NCR1: variants seen among roughly 807,000 people sequenced by gnomAD.
The protein encoded by NCR1 is natural cytotoxicity triggering receptor 1.
Under a neutral mutation model 32.5 loss-of-function variants are expected in NCR1, and 30 were observed. The observed-to-expected ratio is 0.92, with a 90% confidence interval of 0.69 to 1.25. NCR1 has a LOEUF of 1.25. NCR1 is among the 50% of genes most tolerant of loss of function. The pLI is 0.00. For synonymous variants in NCR1, 169 were observed against 143.4 expected (o/e 1.18, Z -1.28); for missense variants, 369 against 380.7 (o/e 0.97, Z 0.26).
chr19:54,925,649 T>C, the NCR1 span, among the ~76,000 whole-genome samples: 1 of 152,084 alleles, frequency 6.6e-6, no homozygotes, highest in Non-Finnish European at 1.5e-5. Context: ...AGCAAAACGT[T>C]GTCTCAGAAA....
chr19:54,927,890 G>A, the NCR1 span: 11 of 875,042 alleles, frequency 1.3e-5, no homozygotes, highest in South Asian at 5.3e-5. Flanking sequence ...CCAGGTGTTC[G>A]AGACCAGCCT....
intron 5 of NCR1, among the ~76,000 whole-genome samples, chr19:54,910,865 C>T (rs1013158666): frequency 5.3e-5 from 8 of 152,152 alleles, no homozygotes; most frequent in African/African-American, 1.2e-4. Context: ...TGAGCAAATG[C>T]GTTCAGACTT....
the NCR1 span, among the ~76,000 whole-genome samples, chr19:54,930,865 G>A: frequency 3.3e-5 from 5 of 151,810 alleles, no homozygotes; most frequent in South Asian, 2.1e-4. Context: ...ATAGGTGCCC[G>A]CCACCTATAT....
the NCR1 span, among the ~76,000 whole-genome samples, chr19:54,928,774 T>G: frequency 2.2e-4 from 34 of 151,374 alleles, no homozygotes; most frequent in Non-Finnish European, 4.0e-4. Context: ...GGATCCCCCA[T>G]AAGGCCCTGT....
chr19:54,937,369 TTTG>T, the NCR1 span, among the ~76,000 whole-genome samples: 1 of 150,594 alleles, frequency 6.6e-6, no homozygotes, highest in Non-Finnish European at 1.5e-5. Flanking sequence ...TACTTTTTGG[TTTG>T]TTTTGGTAAC....
At chr19:54,924,572 TAG>T in the NCR1 span, among the ~76,000 whole-genome samples, 1 of 152,128 alleles carries the variant, frequency 6.6e-6, no homozygotes, top group Non-Finnish European at 1.5e-5. Context: ...TGCAACGAGC[TAG>T]AGATTGCCCT....
rs1602032796 is a variant in NCR1 at position 54,906,516 on chromosome 19, C to T, written c.71-7C>T. Reference sequence around the variant, plus strand: ...CGCTGGAACTCCAGCCTCTGATTCCCTTCCAGAGACTCTCCCAAAACCGTT... The same window carrying T: ...CGCTGGAACTCCAGCCTCTGATTCCTTTCCAGAGACTCTCCCAAAACCGTT... On this transcript the variant is annotated splice_region_variant and splice_polypyrimidine_tract_variant and intron_variant, in intron 2 of 6. Coordinates refer to ENST00000291890, the MANE Select transcript of NCR1 (RefSeq NM_004829.7). 2 of 1,604,612 alleles carry T rather than the reference C, an allele frequency of 1.2e-6. No homozygotes were observed. The highest frequency in any genetic ancestry group is 1.7e-5 in the Admixed American group (1 of 59,978).
downstream of NCR1, among the ~76,000 whole-genome samples, chr19:54,913,724 G>C (rs2068074104): frequency 6.6e-6 from 1 of 151,754 alleles, no homozygotes; most frequent in Admixed American, 6.6e-5. Context: ...CTGAGGTCAG[G>C]AGTTCGAGAC....
downstream of NCR1, among the ~76,000 whole-genome samples, chr19:54,916,903 G>A (rs956075449): frequency 2.6e-5 from 4 of 151,444 alleles, no homozygotes; most frequent in African/African-American, 9.7e-5. Flanking sequence ...CCACACTGGT[G>A]GCCTTTGTTC....
chr19:54,903,435 C>CATATATGTATGTAT (rs2067357344), upstream of NCR1, among the ~76,000 whole-genome samples: 273 of 134,962 alleles, frequency 2.0e-3, 9 homozygotes, highest in African/African-American at 7.1e-3. Flanking sequence ...TGTATACACG[C>CATATATGTATGTAT]ATACATGTAT....
the NCR1 span, among the ~76,000 whole-genome samples, chr19:54,899,669 C>G: frequency 6.6e-6 from 1 of 151,600 alleles, no homozygotes; most frequent in Non-Finnish European, 1.5e-5. Flanking sequence ...CTTGCCCCCC[C>G]AGAAAAGCAG....
chr19:54,934,760 A>T, the NCR1 span: 20 of 976,728 alleles, frequency 2.0e-5, 1 homozygote, highest in South Asian at 8.4e-5. This position sits in a 1 kb window ranked among gnomAD's most constrained non-coding sequence, Gnocchi z 6.7. Flanking sequence ...CCCAGTCTGG[A>T]ATGCAAAGGC....
the NCR1 span, among the ~76,000 whole-genome samples, chr19:54,898,934 C>T: frequency 7.2e-5 from 11 of 151,906 alleles, no homozygotes; most frequent in Admixed American, 6.6e-4. Flanking sequence ...GGTGGAGGAG[C>T]GGAGGCTGAG....
the NCR1 span, chr19:54,933,502 C>G: frequency 6.4e-7 from 1 of 1,572,446 alleles, no homozygotes; most frequent in African/African-American, 1.4e-5. Context: ...AATGAATTAA[C>G]AAGTACTTTC....
chr19:54,916,317 CTTTTTTTTTTT>C (rs71181711), downstream of NCR1, among the ~76,000 whole-genome samples: 3 of 87,124 alleles, frequency 3.4e-5, no homozygotes, highest in African/African-American at 1.3e-4. Context: ...GAATATTGTG[CTTTTTTTTTTT>C]TTTTTTTTTT....
At chr19:54,920,354 C>T (rs1354824706), downstream of NCR1, among the ~76,000 whole-genome samples, 1 of 152,144 alleles carries the variant, frequency 6.6e-6, no homozygotes, top group South Asian at 2.1e-4. Context: ...AGGGGTGCTG[C>T]TATACATCAC....
the NCR1 span, chr19:54,936,529 T>C: frequency 9.0e-7 from 1 of 1,106,512 alleles, no homozygotes. Flanking sequence ...TAGAAATTAT[T>C]AGAAGTTCTT....
At chr19:54,927,391 A>G in the NCR1 span, among the ~76,000 whole-genome samples, 2 of 151,794 alleles carry the variant, frequency 1.3e-5, no homozygotes, top group African/African-American at 2.4e-5. Flanking sequence ...CAAAAAAAAA[A>G]AAAGAAAAAG....
chr19:54,927,798 T>C, the NCR1 span: 899,860 of 1,605,672 alleles, frequency 0.56, 254,459 homozygotes, highest in East Asian at 0.72. Context: ...AACATGGAAA[T>C]CCACGCATTC....
Sources: gnomAD v4.1 joint callset for allele counts (sites outside exome capture counted in the v4.1 genomes callset) on GRCh38, gnomAD v4.1.1 for gene constraint, Gnocchi (gnomAD v3.1) non-coding constraint, MANE v1.5 for transcripts, NCBI Gene and HGNC (gene_info 2026-07-23, HGNC 2026-07-21) for gene names.